ATG2A: variants seen among roughly 807,000 people sequenced by gnomAD.
ATG2A encodes the protein autophagy-related protein 2 homolog A.
In ATG2A, 103 loss-of-function variants were observed where a neutral mutation model predicts 214.2. That is an observed-to-expected ratio of 0.48 (90% CI 0.41 to 0.57). The LOEUF is 0.57. ATG2A is among the 20% of genes least tolerant of loss of function. The pLI is 0.00. For synonymous variants in ATG2A, 1,160 were observed against 1,142.1 expected, an observed-to-expected ratio of 1.02 and a Z score of -0.32; for missense variants, 2,312 against 2,613.2, an observed-to-expected ratio of 0.88 and a Z score of 2.51.
At position 64,913,961 on chromosome 11, in the gene ATG2A, A is replaced by G; in HGVS notation, c.488-38T>C. 6.2e-7 allele frequency: 1 copy of G among 1,605,054 alleles called. No individual in the cohort carries two copies. Among genetic ancestry groups the G allele is most frequent in the Non-Finnish European group, 8.5e-7 (1 of 1,175,216 alleles). Reference sequence around the variant, plus strand: ...GGAGGGGTCTCAGGTCAGGTAGAGCAGCAAAGGGGAGGCAGAATTTCCCAT... The same window carrying G: ...GGAGGGGTCTCAGGTCAGGTAGAGCGGCAAAGGGGAGGCAGAATTTCCCAT... On this transcript the variant is annotated intron_variant, in intron 3 of 40. Transcript: ENST00000377264. This position sits in a 1 kb window ranked among gnomAD's most constrained non-coding sequence, Gnocchi z 4.3.
rs1453658127 is a variant in ATG2A, at chr11:64,911,910, A to G, written c.1160T>C (p.Val387Ala). The G allele has an allele frequency of 1.2e-6, 2 of 1,613,694 alleles. No individual in the cohort carries two copies. The highest frequency in any genetic ancestry group is 1.7e-6 in the Non-Finnish European group (2 of 1,179,832). ...SALSELSLSD[V>A]DLASSVRSDM... ...GCTGCGCACAGAGGAGGCCAGGTCT[A>G]CATCGGAGAGGGAGAGCTCAGAGAG... Residue 387 changes from valine (V) to alanine (A), a missense_variant, in exon 9 of 41, where the codon GTA (valine) becomes GCA (alanine). Val to Ala is a moderately conservative substitution (Grantham distance 64, BLOSUM62 0). Coordinates refer to ENST00000377264, the MANE Select transcript of ATG2A (RefSeq NM_015104.3).
chr11:64,912,555 T>G, intron 6 of ATG2A, 132 bp from the exon 7 acceptor site: 18 of 719,428 alleles, frequency 2.5e-5, no homozygotes, highest in Admixed American at 3.0e-5. Context: ...CAACTAGCTC[T>G]ATGAACCAGG....
intron 28 of ATG2A, 31 bp from the exon 29 acceptor site, chr11:64,902,207 C>T (rs1334797835): frequency 1.9e-6 from 3 of 1,612,850 alleles, no homozygotes; most frequent in Non-Finnish European, 2.5e-6. Context: ...TGGAGAGGCG[C>T]CCACAGTGGG....
chr11:64,898,152 TGAG>T lies in ATG2A; in HGVS notation c.4789_4791del (p.Leu1597del). The T allele has an allele frequency of 6.2e-7, 1 of 1,614,000 alleles. No individual in the cohort carries two copies. Among genetic ancestry groups the T allele is most frequent in the South Asian group, 1.1e-5 (1 of 91,082 alleles). ...GCCACCAGACTAGTGAAGAAGTCCT[TGAG>T]GAAGAAGAGGGCATCCTGCAAGGGA... On this transcript the variant is annotated inframe_deletion, in exon 34 of 41. Transcript: ENST00000377264. This position sits in a 1 kb window ranked among gnomAD's most constrained non-coding sequence, Gnocchi z 4.5.
At position 64,913,902 on chromosome 11, in the gene ATG2A, G is replaced by T; in HGVS notation, c.509C>A (p.Thr170Asn). ...CACCCTCACGACAGTGTCCAGGAAG[G>T]TCACTTTGATCCTCCGAAGCACTGA... Reference protein sequence around the residue: ...IETVLRRIKVTFLDTVVRVEH... With the variant: ...IETVLRRIKVNFLDTVVRVEH... The change falls in exon 4 of 41, where the codon ACC (threonine) becomes AAC (asparagine). Residue 170 changes from threonine (T) to asparagine (N), a missense_variant. Physicochemically the swap from Thr to Asn is moderately conservative, Grantham distance 65. Transcript: ENST00000377264. This position sits in a 1 kb window ranked among gnomAD's most constrained non-coding sequence, Gnocchi z 4.3. 9.9e-6 allele frequency: 16 copies of T among 1,614,052 alleles called. No homozygotes were observed. The highest frequency in any genetic ancestry group is 1.4e-5 in the Non-Finnish European group (16 of 1,180,002).
chr11:64,916,042 G>A (rs1944969599), intron 1 of ATG2A, among the ~76,000 whole-genome samples: 1 of 152,194 alleles, frequency 6.6e-6, no homozygotes, highest in Admixed American at 6.5e-5. Flanking sequence ...ACAAAACTGA[G>A]AAGTCCCTGC....
chr11:64,900,970 C>A lies in ATG2A; in HGVS notation c.4242G>T (p.Val1414=), dbSNP rs751897558. The A allele has an allele frequency of 1.9e-6, 3 of 1,586,316 alleles. No homozygotes were observed. The highest frequency in any genetic ancestry group is 2.3e-5 in the East Asian group (1 of 43,058). ...CACGTAGCACCACCCGAGTGCTGGG[C>A]ACTGGGAAATGGGCAGGTGCCCGCA... is the stretch of plus-strand genomic sequence containing the variant. ...DLLRAPAHFP[V]PSTRVVLREV... is the part of the protein sequence containing the mutation. The change falls in exon 30 of 41, where the codon GTG becomes GTT. Residue 1414 remains valine (V), a synonymous_variant. Coordinates refer to ENST00000377264, the MANE Select transcript of ATG2A (RefSeq NM_015104.3).
chr11:64,913,150 G>A lies in ATG2A; in HGVS notation c.727-14C>T, dbSNP rs200095026. Reference sequence around the variant, plus strand: ...TGGAGGCTCTTCCTGGGAGACGGGAGGATACAAGAGGGAAAGGTTGAGAAA... The same window carrying A: ...TGGAGGCTCTTCCTGGGAGACGGGAAGATACAAGAGGGAAAGGTTGAGAAA... On this transcript the variant is annotated splice_polypyrimidine_tract_variant and intron_variant, in intron 5 of 40. Coordinates refer to ENST00000377264, the MANE Select transcript of ATG2A (RefSeq NM_015104.3). The surrounding 1 kb of genome is among the most constrained non-coding windows in gnomAD (Gnocchi z 4.3). The A allele has an allele frequency of 3.1e-6, 5 of 1,588,212 alleles. No individual in the cohort carries two copies. The highest frequency in any genetic ancestry group is 4.3e-6 in the Non-Finnish European group (5 of 1,164,756).
At position 64,913,244 on chromosome 11, in the gene ATG2A, G is replaced by A; in HGVS notation, c.726+22C>T. 3 of 1,612,138 alleles carry A rather than the reference G, an allele frequency of 1.9e-6. No homozygotes were observed. The highest frequency in any genetic ancestry group is 2.5e-6 in the Non-Finnish European group (3 of 1,179,792). The stretch of plus-strand genomic sequence containing the variant: ...GCTCAAGGGAGAGGAGACAGGGGCT[G>A]TGGGAATCAGAGCCCGCTCACCTGT... On this transcript the variant is annotated intron_variant, in intron 5 of 40. Transcript: ENST00000377264. This position sits in a 1 kb window ranked among gnomAD's most constrained non-coding sequence, Gnocchi z 4.3.
At position 64,898,592 on chromosome 11, in the gene ATG2A, G is replaced by A; in HGVS notation, c.4671+44C>T. The A allele has an allele frequency of 4.4e-6, 7 of 1,594,786 alleles. No homozygotes were observed. The highest frequency in any genetic ancestry group is 6.0e-6 in the Non-Finnish European group (7 of 1,163,212). On this transcript the variant is annotated intron_variant, in intron 32 of 40. Coordinates refer to ENST00000377264, the MANE Select transcript of ATG2A (RefSeq NM_015104.3). The surrounding 1 kb of genome is among the most constrained non-coding windows in gnomAD (Gnocchi z 4.5). ...CATGCGTGAAGATGTATCCCCAACG[G>A]TCTGGTGCCCTGCCCCAGGGTGGAT...
chr11:64,916,928 C>A, intron 1 of ATG2A, 37 bp downstream of exon 1: 1 of 1,608,934 alleles, frequency 6.2e-7, no homozygotes, highest in South Asian at 1.1e-5. Flanking sequence ...GCGCTCCCAC[C>A]CTCCGCACCT....
Position 64,898,059 on chromosome 11 carries a change from G to A in ATG2A, c.4858+27C>T, listed in dbSNP as rs527467762. 227 of 1,612,430 alleles carry A rather than the reference G, an allele frequency of 1.4e-4. 4 individuals carry two copies. The South Asian group carries it at 2.2e-3, about 16-fold the overall frequency. ...GTCCTGGGAGGCAGAAGGCCCAGACGCTCCCCTCCCTGGCCCAGCCTCTCA... is the reference window on the plus strand; with the variant it reads ...GTCCTGGGAGGCAGAAGGCCCAGACACTCCCCTCCCTGGCCCAGCCTCTCA... On this transcript the variant is annotated intron_variant, in intron 34 of 40. Coordinates refer to ENST00000377264, the MANE Select transcript of ATG2A (RefSeq NM_015104.3). The surrounding 1 kb of genome is among the most constrained non-coding windows in gnomAD (Gnocchi z 4.5).
Position 64,911,915 on chromosome 11 carries a change from G to T in ATG2A, c.1155C>A (p.Ser385=), listed in dbSNP as rs754563621. ...VASALSELSL[S]DVDLASSVRS... ...GCACAGAGGAGGCCAGGTCTACATC[G>T]GAGAGGGAGAGCTCAGAGAGGGCTG... Residue 385 remains serine (S), a synonymous_variant, in exon 9 of 41, where the codon TCC becomes TCA. Transcript: ENST00000377264. 1.2e-6 allele frequency: 2 copies of T among 1,613,464 alleles called. No individual in the cohort carries two copies. The highest frequency in any genetic ancestry group is 1.7e-6 in the Non-Finnish European group (2 of 1,179,812).
Position 64,917,202 on chromosome 11 carries a change from T to G in ATG2A, c.-67A>C, listed in dbSNP as rs1376774518. 8.7e-6 allele frequency: 13 copies of G among 1,486,124 alleles called. No homozygotes were observed. The highest frequency in any genetic ancestry group is 4.1e-5 in the Admixed American group (2 of 48,558). The allele number at this position is 1,486,124 out of a possible 1,614,324, so 92.1% of individuals were successfully genotyped here. On this transcript the variant is annotated 5_prime_UTR_variant, in exon 1 of 41. Transcript: ENST00000377264. ...GCCGGCGATCCCCGTCCGGCTCCGC[T>G]GTTCACTAGAGCCCCCGGCTCGCCC... is the stretch of plus-strand genomic sequence containing the variant.
chr11:64,900,448 TG>T, intron 31 of ATG2A, 45 bp downstream of exon 31: 1 of 1,611,590 alleles, frequency 6.2e-7, no homozygotes, highest in Non-Finnish European at 8.5e-7. Context: ...CAAGGCCCGT[TG>T]TTCTATGACA....
In ATG2A at chr11:64,906,151, G is replaced by A; in HGVS notation, c.3226C>T (p.His1076Tyr). 6.2e-7 allele frequency: 1 copy of A among 1,601,554 alleles called. No individual in the cohort carries two copies. The highest frequency in any genetic ancestry group is 8.5e-7 in the Non-Finnish European group (1 of 1,174,336). ...TLRLHKATLR[H>Y]YMALPEQSWH... ...CTCTGCTCGGGCAGGGCCATGTAGTGGCGCAAGGTGGCTTTGTGCAACCGC... is the reference window on the plus strand; with the variant it reads ...CTCTGCTCGGGCAGGGCCATGTAGTAGCGCAAGGTGGCTTTGTGCAACCGC... The change falls in exon 22 of 41, where the codon CAC becomes TAC. Residue 1076 changes from histidine (H) to tyrosine (Y), a missense_variant. By Grantham distance (83) the His-to-Tyr change is moderately conservative (BLOSUM62 2). Transcript: ENST00000377264.
At chr11:64,912,303 C>A in intron 7 of ATG2A, 24 bp downstream of exon 7, 2 of 1,608,788 alleles carry the variant, frequency 1.2e-6, no homozygotes, top group South Asian at 1.1e-5. Flanking sequence ...GCCACCCCAC[C>A]CCCATGCCAC....
chr11:64,916,840 G>T, intron 1 of ATG2A, 125 bp downstream of exon 1: 1 of 1,370,132 alleles, frequency 7.3e-7, no homozygotes, highest in South Asian at 1.3e-5. Context: ...GCCTGGAGAG[G>T]GCAAGATTCC....
chr11:64,902,604 A>T lies in ATG2A; in HGVS notation c.3689T>A (p.Leu1230Gln). 1 of 1,610,288 alleles carries T rather than the reference A, an allele frequency of 6.2e-7. No homozygotes were observed. Reference sequence around the variant, plus strand: ...CATTACGTACTGGAGCAGGTTGACCAGCAGGGCACAGGAGTCGGCACAGCT... The same window carrying T: ...CATTACGTACTGGAGCAGGTTGACCTGCAGGGCACAGGAGTCGGCACAGCT... ...VHSCADSCALLVNLLQYVMST... is the reference protein window; with the variant it reads ...VHSCADSCALQVNLLQYVMST... Residue 1230 changes from leucine (L) to glutamine (Q), a missense_variant, in exon 27 of 41, where the codon CTG becomes CAG. Leu to Gln is a moderately radical substitution (Grantham distance 113). Coordinates refer to ENST00000377264, the MANE Select transcript of ATG2A (RefSeq NM_015104.3).
Sources: gnomAD v4.1 joint callset for allele counts (sites outside exome capture counted in the v4.1 genomes callset) on GRCh38, gnomAD v4.1.1 for gene constraint, Gnocchi (gnomAD v3.1) non-coding constraint, MANE v1.5 for transcripts, NCBI Gene and HGNC (gene_info 2026-07-23, HGNC 2026-07-21) for gene names.